The following TMEM232 variants were observed in gnomAD, a reference collection of about 807,000 sequenced individuals.
The protein encoded by TMEM232 is transmembrane protein 232.
A neutral mutation model predicts 78.8 loss-of-function variants in TMEM232; 80 were observed. The ratio of observed to expected loss-of-function variants is 1.01; its 90% confidence interval spans 0.85 to 1.22. The LOEUF (loss-of-function observed/expected upper bound fraction) is 1.22. TMEM232 is among the 50% of genes most tolerant of loss of function. The pLI is 0.00. For missense variants in TMEM232, 881 were observed against 742.2 expected (o/e 1.19, Z -2.17); for synonymous variants, 297 against 254.3 (o/e 1.17, Z -1.60).
At chr5:110,699,530 G>A (rs1030403507) in intron 1 of TMEM232, among the ~76,000 whole-genome samples, 1 of 151,990 alleles carries the variant, frequency 6.6e-6, no homozygotes, top group Non-Finnish European at 1.5e-5. Context: ...GCAAAGAGCT[G>A]GCTCAAGAAT....
intron 11 of TMEM232, among the ~76,000 whole-genome samples, chr5:110,548,374 A>G (rs976155192): frequency 4.0e-5 from 6 of 148,710 alleles, no homozygotes; most frequent in Non-Finnish European, 7.4e-5. Flanking sequence ...AATAATATTT[A>G]ATAATTAATC....
At chr5:110,493,809 T>A (rs762045432) in intron 12 of TMEM232, among the ~76,000 whole-genome samples, 4 of 151,954 alleles carry the variant, frequency 2.6e-5, no homozygotes, top group Admixed American at 6.6e-5. Flanking sequence ...ACTTTTAAGT[T>A]CTGGGGTGCA....
chr5:110,705,768 GTGTGTGTGTGTGTA>G (rs1795875498), intron 1 of TMEM232, among the ~76,000 whole-genome samples: 1 of 109,904 alleles, frequency 9.1e-6, no homozygotes, highest in Non-Finnish European at 2.0e-5. Context: ...GTGTGCGTGT[GTGTGTGTGTGTGTA>G]TGTGTGTGTA....
chr5:110,712,245 A>G (rs971190382), intron 1 of TMEM232, among the ~76,000 whole-genome samples: 1 of 152,082 alleles, frequency 6.6e-6, no homozygotes, highest in Non-Finnish European at 1.5e-5. Context: ...AAAAGTAGAC[A>G]TAGTGATCAC....
intron 1 of TMEM232, among the ~76,000 whole-genome samples, chr5:110,671,215 G>A (rs1482495712): frequency 6.6e-6 from 1 of 152,158 alleles, no homozygotes; most frequent in African/African-American, 2.4e-5. Context: ...TCTCACACCA[G>A]TTAGAATGGT....
At position 110,434,129 on chromosome 5, in the gene TMEM232, G is replaced by A. The variant is rs1758155508; in HGVS notation, c.1704-9213C>T. On this transcript the variant is annotated intron_variant, in intron 12 of 13. Coordinates refer to ENST00000455884, the MANE Select transcript of TMEM232 (RefSeq NM_001039763.4). ...AACTAAAATCAGAGCAGAACTAAAT[G>A]AAATTGAGACCCCCCCAAAACATGC... Among the ~76,000 whole-genome samples, 4 of 149,718 alleles carry A rather than the reference G, an allele frequency of 2.7e-5. No individual in the cohort carries two copies. In the South Asian group the frequency reaches 8.4e-4, roughly 31 times the overall value.
chr5:110,490,138 AAAGAAAG>A (rs1764889241), intron 12 of TMEM232, among the ~76,000 whole-genome samples: 1 of 102,436 alleles, frequency 9.8e-6, no homozygotes, highest in African/African-American at 5.3e-5. Context: ...AGAAAGAAAG[AAAGAAAG>A]AAAGAAAGAA....
At chr5:110,665,090 A>T (rs534610812) in intron 2 of TMEM232, among the ~76,000 whole-genome samples, 2 of 152,298 alleles carry the variant, frequency 1.3e-5, no homozygotes, top group Non-Finnish European at 2.9e-5. Flanking sequence ...AGCCCATAAC[A>T]ATAAGCCAAC....
intron 1 of TMEM232, among the ~76,000 whole-genome samples, chr5:110,736,345 T>C (rs1321313506): frequency 6.6e-6 from 1 of 152,150 alleles, no homozygotes; most frequent in Non-Finnish European, 1.5e-5. Context: ...CCAAATTTGC[T>C]CTAATTTTTT....
At position 110,615,909 on chromosome 5, in the gene TMEM232, TA is replaced by T. The variant is rs1053669576; in HGVS notation, c.902+2519del. ...CAATCTCATTTACAATAGCAAAAAA[TA>T]AAAAAAATAAAGCCTAAGCAATTAA... On this transcript the variant is annotated intron_variant, in intron 8 of 13. Coordinates refer to ENST00000455884, the MANE Select transcript of TMEM232 (RefSeq NM_001039763.4). Among the ~76,000 whole-genome samples the T allele has an allele frequency of 7.3e-5, 11 of 150,922 alleles. No individual in the cohort carries two copies. In the East Asian group the frequency reaches 1.2e-3, roughly 16 times the overall value.
rs566062877 is a variant in TMEM232 at position 110,404,202 on chromosome 5, T to C, written n.309-6348A>G. Among the ~76,000 whole-genome samples, 3 of 152,204 alleles carry C rather than the reference T, an allele frequency of 2.0e-5. 1 individual carries two copies. The South Asian group carries it at 6.2e-4, about 32-fold the overall frequency. On this transcript the variant is annotated intron_variant and non_coding_transcript_variant, in intron 2 of 8. Transcript: ENST00000507188. ...GAGGCTTAACTTATAATGTCAAATA[T>C]AAATATACTTCAAAATTGTTTTTTC... is the stretch of plus-strand genomic sequence containing the variant.
chr5:110,698,556 G>A (rs758529231), intron 1 of TMEM232, among the ~76,000 whole-genome samples: 24 of 152,064 alleles, frequency 1.6e-4, no homozygotes, highest in Non-Finnish European at 2.9e-4. Context: ...TCATCTTAAG[G>A]AACTCAGTTC....
chr5:110,452,109 A>G (rs947310297), intron 12 of TMEM232, among the ~76,000 whole-genome samples: 2 of 152,172 alleles, frequency 1.3e-5, no homozygotes, highest in African/African-American at 4.8e-5. Flanking sequence ...ACTTTAAAAG[A>G]TGCAATCTTT....
At chr5:110,700,768 A>G (rs1795328935) in intron 1 of TMEM232, among the ~76,000 whole-genome samples, 1 of 143,128 alleles carries the variant, frequency 7.0e-6, no homozygotes, top group African/African-American at 2.7e-5. Context: ...GTAGGTAGGT[A>G]GGTAGATAGA....
At chr5:110,733,876 C>G (rs1266032664) in intron 2 of TMEM232, among the ~76,000 whole-genome samples, 1 of 152,114 alleles carries the variant, frequency 6.6e-6, no homozygotes, top group East Asian at 1.9e-4. Context: ...AATGGTCATT[C>G]AACTTATAAA....
chr5:110,701,016 C>T (rs1287642773), intron 1 of TMEM232, among the ~76,000 whole-genome samples: 1 of 151,768 alleles, frequency 6.6e-6, no homozygotes, highest in Non-Finnish European at 1.5e-5. Context: ...TAGATGAATA[C>T]CATTCTTTCC....
At chr5:110,403,909 C>G (rs1259832872) in intron 2 of TMEM232, among the ~76,000 whole-genome samples, 1 of 151,814 alleles carries the variant, frequency 6.6e-6, no homozygotes, top group African/African-American at 2.4e-5. Flanking sequence ...TAACTTTAAG[C>G]AAATTCTTCA....
At chr5:110,527,757 A>T (rs549201901) in intron 12 of TMEM232, among the ~76,000 whole-genome samples, 29 of 152,160 alleles carry the variant, frequency 1.9e-4, no homozygotes, top group African/African-American at 6.5e-4. Context: ...AGCACTGAAC[A>T]TATCAAAAAA....
At chr5:110,631,953 C>A (rs937575100) in intron 5 of TMEM232, among the ~76,000 whole-genome samples, 4 of 151,900 alleles carry the variant, frequency 2.6e-5, no homozygotes, top group African/African-American at 9.7e-5. Flanking sequence ...CCCGCCTGGT[C>A]CTGCTAATAC....
Sources: allele counts gnomAD v4.1 joint callset (sites outside exome capture counted in the v4.1 genomes callset), GRCh38; gene constraint gnomAD v4.1.1; transcripts MANE v1.5; gene names NCBI Gene and HGNC (gene_info 2026-07-23, HGNC 2026-07-21).